The following TNRC6B variants were observed in gnomAD, a reference collection of about 807,000 sequenced individuals.
The protein encoded by TNRC6B is trinucleotide repeat-containing gene 6B protein.
TNRC6B carries 52 observed loss-of-function variants against 203.6 expected under a neutral mutation model. That is an observed-to-expected ratio of 0.26 (90% CI 0.20 to 0.32). TNRC6B has a LOEUF of 0.32. Among genes scored for constraint, TNRC6B ranks in the 10% least tolerant of loss-of-function variants. The pLI, the probability that TNRC6B is intolerant of heterozygous loss-of-function variation, is 1.00. For synonymous variants in TNRC6B, 838 were observed against 845.7 expected (o/e 0.99, Z 0.16); for missense variants, 1,923 against 2,286.2 (o/e 0.84, Z 3.24).
chr22:40,058,503 G>A (rs937359862), intron 1 of TNRC6B, among the ~76,000 whole-genome samples: 1 of 150,776 alleles, frequency 6.6e-6, no homozygotes, highest in South Asian at 2.1e-4. Flanking sequence ...GGACTCAACC[G>A]ATGCAGCACG....
chr22:40,260,833 T>G (rs2070370065), intron 3 of TNRC6B, among the ~76,000 whole-genome samples: 1 of 152,232 alleles, frequency 6.6e-6, no homozygotes. Flanking sequence ...TTGCTGTGTT[T>G]AAATTCTTGT....
At chr22:40,258,424 T>C (rs567649661) in intron 3 of TNRC6B, among the ~76,000 whole-genome samples, 1 of 152,226 alleles carries the variant, frequency 6.6e-6, no homozygotes, top group African/African-American at 2.4e-5. Context: ...TGTGTTGCTC[T>C]CCAATTAGTG....
At position 40,266,414 on chromosome 22, in the gene TNRC6B, G is replaced by C; in HGVS notation, c.2184G>C (p.Lys728Asn). Residue 728 changes from lysine to asparagine, a missense_variant, in exon 5 of 23, where the codon AAG becomes AAC. Physicochemically the swap from Lys to Asn is moderately conservative, Grantham distance 94. Coordinates refer to ENST00000454349, the MANE Select transcript of TNRC6B (RefSeq NM_001162501.2). ...CCTCTTGGAATGAGAATCCCAGCAAGGATCAGGGGTGGGGAGGTGGACGCC... is the reference window on the plus strand; with the variant it reads ...CCTCTTGGAATGAGAATCCCAGCAACGATCAGGGGTGGGGAGGTGGACGCC... ...TPSSWNENPS[K>N]DQGWGGGRQP... 1 of 1,613,966 alleles carries C rather than the reference G, an allele frequency of 6.2e-7. No individual in the cohort carries two copies. Among genetic ancestry groups the C allele is most frequent in the South Asian group, 1.1e-5 (1 of 91,060 alleles).
chr22:40,101,375 C>T (rs1236414098), intron 1 of TNRC6B, among the ~76,000 whole-genome samples: 1 of 152,154 alleles, frequency 6.6e-6, no homozygotes, highest in African/African-American at 2.4e-5. Flanking sequence ...ATTGCCGGCG[C>T]CACCCCCAGC....
intron 7 of TNRC6B, among the ~76,000 whole-genome samples, chr22:40,276,485 G>T (rs552070284): frequency 6.6e-6 from 1 of 152,270 alleles, no homozygotes; most frequent in East Asian, 1.9e-4. Flanking sequence ...TCAGTGCCTT[G>T]TTCAGGGGAG....
intron 1 of TNRC6B, among the ~76,000 whole-genome samples, chr22:40,235,304 A>G (rs2069932631): frequency 6.6e-6 from 1 of 152,170 alleles, no homozygotes; most frequent in Non-Finnish European, 1.5e-5. Context: ...GGTTTATTAA[A>G]TGGTACTTGA....
chr22:40,277,067 A>G lies in TNRC6B; in HGVS notation c.3142-10A>G. On this transcript the variant is annotated splice_polypyrimidine_tract_variant and intron_variant, in intron 7 of 22. Coordinates refer to ENST00000454349, the MANE Select transcript of TNRC6B (RefSeq NM_001162501.2). ...ATTTGGTTCTGAGGTTCCGTGTTTC[A>G]TTTCTGTAGTGCTCACTCAAAGGAG... The G allele has an allele frequency of 6.4e-7, 1 of 1,570,880 alleles. No homozygotes were observed. The highest frequency in any genetic ancestry group is 8.6e-7 in the Non-Finnish European group (1 of 1,162,028).
chr22:40,080,631 A>G (rs564607017), intron 1 of TNRC6B, among the ~76,000 whole-genome samples: 7 of 152,086 alleles, frequency 4.6e-5, no homozygotes, highest in Non-Finnish European at 8.8e-5. Context: ...CAGTTCCCCA[A>G]GTGTTCCTTG....
intron 15 of TNRC6B, among the ~76,000 whole-genome samples, chr22:40,306,097 C>T (rs1237901075): frequency 6.6e-6 from 1 of 151,950 alleles, no homozygotes; most frequent in African/African-American, 2.4e-5. Flanking sequence ...TTGAGACCAT[C>T]CTGGCTAACA....
At chr22:40,268,491 G>C (rs1307804589) in intron 5 of TNRC6B, among the ~76,000 whole-genome samples, 1 of 152,106 alleles carries the variant, frequency 6.6e-6, no homozygotes, top group Non-Finnish European at 1.5e-5. Context: ...GTATTGAAAA[G>C]AATGAGGAAG....
At chr22:40,186,431 C>T (rs1197867026) in intron 1 of TNRC6B, among the ~76,000 whole-genome samples, 1 of 151,764 alleles carries the variant, frequency 6.6e-6, no homozygotes, top group Non-Finnish European at 1.5e-5. Context: ...TTTAAATTTT[C>T]CAGGAGTCAC....
intron 1 of TNRC6B, among the ~76,000 whole-genome samples, chr22:40,104,277 G>A (rs1010853343): frequency 1.3e-5 from 2 of 152,036 alleles, no homozygotes; most frequent in African/African-American, 4.8e-5. Flanking sequence ...GGTTTTCATA[G>A]TCATTATCAT....
intron 1 of TNRC6B, among the ~76,000 whole-genome samples, chr22:40,086,701 GAA>G (rs1193382085): frequency 6.6e-6 from 1 of 152,184 alleles, no homozygotes; most frequent in Non-Finnish European, 1.5e-5. Flanking sequence ...TGAATGGAGA[GAA>G]ATTCAATTTT....
At chr22:40,138,703 G>C (rs948159091) in intron 3 of TNRC6B, among the ~76,000 whole-genome samples, 2 of 152,140 alleles carry the variant, frequency 1.3e-5, no homozygotes, top group African/African-American at 4.8e-5. Flanking sequence ...GGAGTTCTCA[G>C]CATATAGGAA....
chr22:40,265,922 C>T lies in TNRC6B; in HGVS notation c.1692C>T (p.Ser564=), dbSNP rs367771182. 1.1e-5 allele frequency: 17 copies of T among 1,613,896 alleles called. No homozygotes were observed. The Admixed American group carries it at 1.8e-4, about 17-fold the overall frequency. Residue 564 remains serine (S), a synonymous_variant, in exon 5 of 23, where the codon TCC becomes TCT. Transcript: ENST00000454349. The part of the protein sequence containing the change: ...QAPCWGRSSS[S]TGSEVGGQST... ...CCTGTTGGGGAAGATCTTCCAGCTC[C>T]ACAGGAAGTGAAGTTGGAGGTCAAA... is the stretch of plus-strand genomic sequence containing the variant.
At chr22:40,234,294 C>T (rs142898239) in intron 1 of TNRC6B, among the ~76,000 whole-genome samples, 2 of 152,204 alleles carry the variant, frequency 1.3e-5, no homozygotes, top group African/African-American at 4.8e-5. Context: ...AACAAACAAA[C>T]AAAAACTTCA....
At chr22:40,185,963 AT>A (rs1486803950) in intron 1 of TNRC6B, among the ~76,000 whole-genome samples, 3 of 152,160 alleles carry the variant, frequency 2.0e-5, no homozygotes, top group African/African-American at 7.2e-5. Flanking sequence ...GAATTGGAGA[AT>A]TTGGTGGGAC....
In TNRC6B at chr22:40,328,735, A is replaced by G. The variant is rs571067806; in HGVS notation, c.*5494A>G. 1.3e-5 allele frequency: 2 copies of G among 152,366 alleles called. No individual in the cohort carries two copies. Among genetic ancestry groups the G allele is most frequent in the East Asian group, 3.9e-4 (2 of 5,186 alleles). 9.4% of individuals were successfully genotyped at this position (152,366 alleles called of 1,614,324 possible). A position where few individuals can be genotyped will look rare whatever the true frequency, so the allele number is the denominator to read the frequency against. On this transcript the variant is annotated 3_prime_UTR_variant, in exon 23 of 23. Transcript: ENST00000454349. ...TCTGCAGAGTAAACAGGATGTTTTC[A>G]GCAGACTTGGCTCTAATAGCCATCT...
intron 3 of TNRC6B, among the ~76,000 whole-genome samples, chr22:40,256,274 G>A (rs1228337974): frequency 6.6e-6 from 1 of 152,186 alleles, no homozygotes; most frequent in African/African-American, 2.4e-5. Context: ...GTTAAAGCCA[G>A]AGCATGGAAG....
Sources: allele counts gnomAD v4.1 joint callset (sites outside exome capture counted in the v4.1 genomes callset), GRCh38; gene constraint gnomAD v4.1.1; transcripts MANE v1.5; gene names NCBI Gene and HGNC (gene_info 2026-07-23, HGNC 2026-07-21).